DEPDC5: variants seen among roughly 807,000 people sequenced by gnomAD.
DEPDC5 encodes DEP domain containing 5, GATOR1 subcomplex subunit, also known as GATOR1 complex protein DEPDC5.
In DEPDC5, 73 loss-of-function variants were observed where a neutral mutation model predicts 217.3. The observed-to-expected ratio is 0.34, with a 90% CI of 0.28 to 0.41. The LOEUF (loss-of-function observed/expected upper bound fraction) is 0.41. Among genes scored for constraint, DEPDC5 ranks in the 10% least tolerant of loss-of-function variants. The pLI, the probability that DEPDC5 is intolerant of heterozygous loss-of-function variation, is 1.00. For synonymous variants in DEPDC5, 733 were observed against 756.7 expected, an observed-to-expected ratio of 0.97 and a Z score of 0.51; for missense variants, 1,675 against 2,070.1, an observed-to-expected ratio of 0.81 and a Z score of 3.70.
chr22:31,806,270 T>A, intron 18 of DEPDC5, 79 bp downstream of exon 18: 1 of 1,269,706 alleles, frequency 7.9e-7, no homozygotes. Context: ...CAATCAGTCC[T>A]CCTGTTTCAG....
chr22:31,870,670 C>G lies in DEPDC5; in HGVS notation c.3411C>G (p.Gly1137=). Residue 1137 remains glycine (G), a synonymous_variant, in exon 34 of 43, where the codon GGC becomes GGG. Transcript: ENST00000651528. The part of the protein sequence containing the change: ...GICTGQSMDR[G]NSQTFGNSQN... ...GCACAGGCCAATCCATGGACAGAGG[C>G]AACAGCCAGACCTTTGGGAACTCCC... is the stretch of plus-strand genomic sequence containing the variant. The G allele has an allele frequency of 6.2e-7, 1 of 1,603,822 alleles. No homozygotes were observed. The highest frequency in any genetic ancestry group is 8.5e-7 in the Non-Finnish European group (1 of 1,175,802).
intron 20 of DEPDC5, among the ~76,000 whole-genome samples, chr22:31,813,528 G>A (rs1023671506): frequency 5.3e-5 from 8 of 152,272 alleles, no homozygotes; most frequent in Admixed American, 5.2e-4. Context: ...GGAGGAAAGG[G>A]AGCAGCTCTG....
At position 31,845,050 on chromosome 22, in the gene DEPDC5, G is replaced by A. The variant is rs772897391; in HGVS notation, c.2834G>A (p.Arg945His). Residue 945 changes from arginine (R) to histidine (H), a missense_variant, in exon 30 of 43, where the codon CGC becomes CAC. Around this residue, in one of 11 missense-constraint regions of DEPDC5, gnomAD observed 293 missense variants for 386.1 expected, o/e 0.76. Transcript: ENST00000651528. The part of the protein sequence containing the change: ...LIESLKFWRT[R>H]FLLLPACVTA... ...GAGTCCCTGAAGTTCTGGAGGACCCGCTTCCTGCTGCTGCCAGCCTGTGTC... is the reference window on the plus strand; with the variant it reads ...GAGTCCCTGAAGTTCTGGAGGACCCACTTCCTGCTGCTGCCAGCCTGTGTC... 19 of 1,613,958 alleles carry A rather than the reference G, an allele frequency of 1.2e-5. No individual in the cohort carries two copies. The highest frequency in any genetic ancestry group is 1.3e-5 in the African/African-American group (1 of 74,926).
Position 31,802,871 on chromosome 22 carries a change from A to G in DEPDC5, c.1081+33A>G, listed in dbSNP as rs200014758. The G allele has an allele frequency of 5.8e-4, 904 of 1,559,970 alleles. 2 individuals carry two copies. Among genetic ancestry groups the G allele is most frequent in the Non-Finnish European group, 7.4e-4 (852 of 1,151,642 alleles). On this transcript the variant is annotated intron_variant, in intron 15 of 42. Coordinates refer to ENST00000651528, the MANE Select transcript of DEPDC5 (RefSeq NM_001242896.3). ...TCTCTGGTTTGTGCCCTGTCTCCAC[A>G]TGTTCCTAGCCTGATTTCCCCTTAG...
chr22:31,820,760 A>G (rs1453677212), intron 22 of DEPDC5, among the ~76,000 whole-genome samples: 1 of 152,098 alleles, frequency 6.6e-6, no homozygotes, highest in Non-Finnish European at 1.5e-5. Flanking sequence ...TTGGAACCAT[A>G]TTCTGCAAAC....
rs566105869 is a variant in DEPDC5, at chr22:31,838,031, C to T, written c.2355-654C>T. On this transcript the variant is annotated intron_variant, in intron 26 of 42. Transcript: ENST00000651528. ...GTAATTTTATGATGTAAGAACTGTT[C>T]GTTTCTCCAGAGTTCTATTGACATC... Among the ~76,000 whole-genome samples, 5 of 152,174 alleles carry T rather than the reference C, an allele frequency of 3.3e-5. No individual in the cohort carries two copies. The South Asian group carries it at 8.3e-4, about 25-fold the overall frequency.
chr22:31,825,738 T>G (rs1274926325), intron 24 of DEPDC5, among the ~76,000 whole-genome samples: 2 of 152,190 alleles, frequency 1.3e-5, no homozygotes, highest in Non-Finnish European at 2.9e-5. Flanking sequence ...CACTGATGTT[T>G]CCAGATGCAG....
At chr22:31,877,900 A>C (rs2093049873) in intron 37 of DEPDC5, among the ~76,000 whole-genome samples, 1 of 151,940 alleles carries the variant, frequency 6.6e-6, no homozygotes, top group African/African-American at 2.4e-5. Flanking sequence ...TTAAAGAATC[A>C]AACATGGCCG....
chr22:31,890,164 C>T (rs1017175297), intron 38 of DEPDC5, among the ~76,000 whole-genome samples: 5 of 152,150 alleles, frequency 3.3e-5, no homozygotes, highest in Admixed American at 6.5e-5. Context: ...TCTCTATGAA[C>T]CATCTGGGCT....
chr22:31,776,098 CTTTTGTTTTGTTTGTTT>C (rs1054507600), intron 7 of DEPDC5, among the ~76,000 whole-genome samples: 1 of 142,130 alleles, frequency 7.0e-6, no homozygotes, highest in Non-Finnish European at 1.5e-5. Flanking sequence ...TTCATTGTCT[CTTTTGTTTTGTTTGTTT>C]TTTTGTTTTG....
intron 2 of DEPDC5, chr22:31,755,206 C>T (rs998321973): frequency 3.9e-6 from 2 of 507,830 alleles, no homozygotes; most frequent in African/African-American, 1.9e-5. Context: ...GGTTTACTAC[C>T]CTTCATTTGT....
In DEPDC5 at chr22:31,873,341, C is replaced by T. The variant is rs1321001359; in HGVS notation, c.3563+9C>T. ...GCCATGAAGCACCCCTCGTAAGTGG[C>T]TCACCACAGTGTAGGGTTGGAAGGT... is the stretch of plus-strand genomic sequence containing the variant. On this transcript the variant is annotated intron_variant, in intron 35 of 42. Coordinates refer to ENST00000651528, the MANE Select transcript of DEPDC5 (RefSeq NM_001242896.3). 8.1e-6 allele frequency: 13 copies of T among 1,613,518 alleles called. No individual in the cohort carries two copies. The highest frequency in any genetic ancestry group is 1.0e-5 in the Non-Finnish European group (12 of 1,179,578).
At chr22:31,786,424 TAA>T (rs138288) in intron 10 of DEPDC5, among the ~76,000 whole-genome samples, 8,878 of 79,950 alleles carry the variant, frequency 0.11, 326 homozygotes, top group South Asian at 0.23. Flanking sequence ...ATGTGGTAGC[TAA>T]AAAAAAAAAA....
At chr22:31,817,813 G>T (rs1412211181) in intron 21 of DEPDC5, among the ~76,000 whole-genome samples, 2 of 151,696 alleles carry the variant, frequency 1.3e-5, no homozygotes, top group East Asian at 3.9e-4. Flanking sequence ...TTTTTACTAG[G>T]TTTTTCTCTT....
At chr22:31,797,196 G>A (rs1206900797) in intron 12 of DEPDC5, among the ~76,000 whole-genome samples, 2 of 151,908 alleles carry the variant, frequency 1.3e-5, no homozygotes, top group Non-Finnish European at 2.9e-5. Context: ...TAAAGTTGCT[G>A]TATTAGTCCA....
intron 25 of DEPDC5, 145 bp downstream of exon 25, chr22:31,834,125 G>A (rs2090812817): frequency 3.6e-6 from 3 of 831,138 alleles, no homozygotes; most frequent in African/African-American, 3.3e-5. Flanking sequence ...ATGTGGTGAG[G>A]GAGGACTCTC....
chr22:31,840,262 G>A (rs1305492902), intron 27 of DEPDC5, among the ~76,000 whole-genome samples: 2 of 152,152 alleles, frequency 1.3e-5, no homozygotes, highest in African/African-American at 4.8e-5. Flanking sequence ...GGAGTTACCA[G>A]GAGCGGCAGG....
In DEPDC5 at chr22:31,803,856, T is replaced by C. The variant is rs1375120301; in HGVS notation, c.1082-306T>C. Among the ~76,000 whole-genome samples, 3 of 152,248 alleles carry C rather than the reference T, an allele frequency of 2.0e-5. No homozygotes were observed. The South Asian group carries it at 6.2e-4, about 32-fold the overall frequency. The stretch of plus-strand genomic sequence containing the variant: ...ATATTACAAAGTTACTGTTCCTTTC[T>C]GGCCTTAAAAATTTAAACATGGAAG... On this transcript the variant is annotated intron_variant, in intron 15 of 42. Transcript: ENST00000651528.
intron 38 of DEPDC5, among the ~76,000 whole-genome samples, chr22:31,881,291 C>CAA (rs67347332): frequency 0.15 from 15,693 of 106,870 alleles, 924 homozygotes; most frequent in Admixed American, 0.19. Context: ...CTCCATCTCT[C>CAA]AAAAAAAAAA....
Sources: gnomAD v4.1 joint callset for allele counts (sites outside exome capture counted in the v4.1 genomes callset) on GRCh38, gnomAD v4.1.1 for gene constraint, gnomAD v4.1.1 regional missense constraint, MANE v1.5 for transcripts, NCBI Gene and HGNC (gene_info 2026-07-23, HGNC 2026-07-21) for gene names.